MRM2: variants seen among roughly 807,000 people sequenced by gnomAD.
The protein encoded by MRM2 is mitochondrial rRNA methyltransferase 2.
A neutral mutation model predicts 10.9 loss-of-function variants in MRM2; 15 were observed. The ratio of observed to expected loss-of-function variants is 1.37; its 90% CI spans 0.92 to 2.11. The LOEUF (loss-of-function observed/expected upper bound fraction) is 2.11, where lower values mean the gene tolerates loss of function less well. MRM2 is among the 30% of genes most tolerant of loss of function. The pLI, the probability that MRM2 is intolerant of heterozygous loss-of-function variation, is 0.00. For synonymous variants in MRM2, 139 were observed against 128.7 expected, an observed-to-expected ratio of 1.08 and a Z score of -0.54; for missense variants, 328 against 321.3, an observed-to-expected ratio of 1.02 and a Z score of -0.16.
rs762880901 is a variant in MRM2 at position 2,235,301 on chromosome 7, C to T, written c.562G>A (p.Gly188Arg). 1.2e-6 allele frequency: 2 copies of T among 1,614,144 alleles called. No homozygotes were observed. The highest frequency in any genetic ancestry group is 2.2e-5 in the South Asian group (2 of 91,084). ...CAGGTTTTACAAAGGAATGTCCCCC[C>T]AGGTTGCAGGATGTCTGGGGTCACG... ...LSVTPDILQP[G>R]GTFLCKTWAG... The change falls in exon 3 of 3, where the codon GGG (glycine) becomes AGG (arginine). Residue 188 changes from glycine (G) to arginine (R), a missense_variant. Physicochemically the swap from Gly to Arg is moderately radical, Grantham distance 125. Coordinates refer to ENST00000242257, the MANE Select transcript of MRM2 (RefSeq NM_013393.3).
At chr7:2,239,753 G>A (rs777769107) in intron 1 of MRM2, 46 bp from the exon 2 acceptor site, 152 of 1,565,708 alleles carry the variant, frequency 9.7e-5, no homozygotes, top group Non-Finnish European at 1.2e-4. Context: ...CACACAGAAC[G>A]GCAGGTCATG....
chr7:2,241,907 G>A, intron 1 of MRM2: 1 of 440,704 alleles, frequency 2.3e-6, no homozygotes. Context: ...CCGGCGCTGC[G>A]CCCCCCACCT....
At chr7:2,237,027 TTGTG>T (rs368118478) in intron 2 of MRM2, among the ~76,000 whole-genome samples, 1 of 151,682 alleles carries the variant, frequency 6.6e-6, no homozygotes, top group Admixed American at 6.6e-5. Flanking sequence ...TTGTGTGTCT[TTGTG>T]TGTGTGTGTG....
In MRM2 at chr7:2,239,399, C is replaced by A; in HGVS notation, c.298+19G>T. 2 of 1,589,420 alleles carry A rather than the reference C, an allele frequency of 1.3e-6. No individual in the cohort carries two copies. Among genetic ancestry groups the A allele is most frequent in the Non-Finnish European group, 8.6e-7 (1 of 1,167,364 alleles). ...CCTCAGGGGAGCCAGAAGGTGCCAA[C>A]AGCAGTGCAGAGGCCCACCTGTGCC... is the stretch of plus-strand genomic sequence containing the variant. On this transcript the variant is annotated intron_variant, in intron 2 of 2. Transcript: ENST00000242257.
At chr7:2,242,053 G>T in intron 1 of MRM2, 109 bp downstream of exon 1, 1 of 1,211,700 alleles carries the variant, frequency 8.3e-7, no homozygotes. Flanking sequence ...GTGCGGGGAC[G>T]GTGCCCAGCG....
chr7:2,239,271 T>C (rs1794476732), intron 2 of MRM2, 147 bp downstream of exon 2: 1 of 844,620 alleles, frequency 1.2e-6, no homozygotes, highest in African/African-American at 1.7e-5. Context: ...CCTATTTTTA[T>C]CATCACCATT....
chr7:2,239,308 G>A (rs977373984), intron 2 of MRM2, 110 bp downstream of exon 2: 13 of 1,056,322 alleles, frequency 1.2e-5, no homozygotes, highest in South Asian at 2.5e-5. Flanking sequence ...GGAAGCACAC[G>A]CCTTCAAAAA....
At chr7:2,238,949 G>T in intron 2 of MRM2, 1 of 185,886 alleles carries the variant, frequency 5.4e-6, no homozygotes, top group Non-Finnish European at 1.0e-5. Context: ...TGGAGGGGGG[G>T]GAAGAACAAA....
chr7:2,240,404 T>C (rs1267941887), intron 1 of MRM2: 1 of 332,838 alleles, frequency 3.0e-6, no homozygotes, highest in African/African-American at 2.2e-5. Context: ...CATTTCTTTT[T>C]TTCTTCTTTT....
chr7:2,235,325 C>T lies in MRM2; in HGVS notation c.538G>A (p.Val180Met), dbSNP rs201350897. The change falls in exon 3 of 3, where the codon GTG (valine) becomes ATG (methionine). Residue 180 changes from valine to methionine, a missense_variant. Val to Met is a conservative substitution (Grantham distance 21). Coordinates refer to ENST00000242257, the MANE Select transcript of MRM2 (RefSeq NM_013393.3). ...CCAGGTTGCAGGATGTCTGGGGTCACGCTGAGAAGGGTCAGGCACAGGCTG... is the reference window on the plus strand; with the variant it reads ...CCAGGTTGCAGGATGTCTGGGGTCATGCTGAGAAGGGTCAGGCACAGGCTG... ...LISLCLTLLS[V>M]TPDILQPGGT... 167 of 1,613,990 alleles carry T rather than the reference C, an allele frequency of 1.0e-4. 4 individuals carry two copies. The South Asian group carries it at 1.0e-3, about 10-fold the overall frequency.
Position 2,234,969 on chromosome 7 carries a change from AAGAG to A in MRM2, c.*149_*152del, listed in dbSNP as rs1285656888. 7 of 627,282 alleles carry A rather than the reference AAGAG, an allele frequency of 1.1e-5. No individual in the cohort carries two copies. The highest frequency in any genetic ancestry group is 5.5e-5 in the East Asian group (2 of 36,586). The allele number at this position is 627,282 out of a possible 1,614,324, so 38.9% of individuals were successfully genotyped here. ...GTTTTGTCATCTCTTTTTGGTTAAAAAGAGAGAGAGAGAAAGAGAGAGAGAGACT... is the reference window on the plus strand; with the variant it reads ...GTTTTGTCATCTCTTTTTGGTTAAAAAGAGAGAGAAAGAGAGAGAGAGACT... On this transcript the variant is annotated 3_prime_UTR_variant, in exon 3 of 3. Transcript: ENST00000242257.
intron 1 of MRM2, 191 bp downstream of exon 1, chr7:2,241,971 A>C: frequency 3.7e-6 from 2 of 539,408 alleles, no homozygotes; most frequent in Non-Finnish European, 6.2e-6. Context: ...CTGCCCCTGG[A>C]GACCTGAGGG....
At chr7:2,240,858 G>T (rs1160666842) in intron 1 of MRM2, among the ~76,000 whole-genome samples, 1 of 152,016 alleles carries the variant, frequency 6.6e-6, no homozygotes, top group South Asian at 2.1e-4. Context: ...TACCATGTCC[G>T]GCTAATGTTT....
chr7:2,238,250 G>C (rs1794453502), intron 2 of MRM2: 1 of 152,266 alleles, frequency 6.6e-6, no homozygotes, highest in African/African-American at 2.4e-5. Context: ...AAATGGCAAG[G>C]ATATTCACCA....
intron 2 of MRM2, among the ~76,000 whole-genome samples, chr7:2,237,465 C>T (rs1396394588): frequency 1.3e-5 from 2 of 152,136 alleles, no homozygotes; most frequent in African/African-American, 4.8e-5. Flanking sequence ...TCACTTCCTC[C>T]TACAAGGCAC....
At chr7:2,239,819 C>A in intron 1 of MRM2, 112 bp from the exon 2 acceptor site, 2 of 963,780 alleles carry the variant, frequency 2.1e-6, no homozygotes, top group South Asian at 3.0e-5. Flanking sequence ...GCACCAAGGC[C>A]CAGGAGGGGA....
At chr7:2,235,894 G>A (rs1236413253) in intron 2 of MRM2, among the ~76,000 whole-genome samples, 1 of 152,206 alleles carries the variant, frequency 6.6e-6, no homozygotes, top group Non-Finnish European at 1.5e-5. Flanking sequence ...CTCACTCTCT[G>A]TGAAAGGGTT....
intron 1 of MRM2, 33 bp from the exon 2 acceptor site, chr7:2,239,740 C>T (rs756527892): frequency 6.3e-7 from 1 of 1,596,290 alleles, no homozygotes; most frequent in South Asian, 1.1e-5. Context: ...GGCAGGTTGG[C>T]ATCACACAGA....
At chr7:2,241,606 T>C (rs1418414154) in intron 1 of MRM2, among the ~76,000 whole-genome samples, 1 of 152,234 alleles carries the variant, frequency 6.6e-6, no homozygotes, top group Non-Finnish European at 1.5e-5. Flanking sequence ...CCGGTCTCTA[T>C]GTCCATCTTT....
Sources: allele counts gnomAD v4.1 joint callset (sites outside exome capture counted in the v4.1 genomes callset), GRCh38; gene constraint gnomAD v4.1.1; transcripts MANE v1.5; gene names NCBI Gene and HGNC (gene_info 2026-07-23, HGNC 2026-07-21).